The following UBE2J2 variants were observed in gnomAD, a reference collection of about 807,000 sequenced individuals.
The protein encoded by UBE2J2 is ubiquitin-conjugating enzyme E2 J2.
UBE2J2 carries 5 observed loss-of-function variants against 28.6 expected under a neutral mutation model. The ratio of observed to expected loss-of-function variants is 0.17; its 90% CI spans 0.09 to 0.37. The LOEUF is 0.37. Among genes scored for constraint, UBE2J2 ranks in the 10% least tolerant of loss-of-function variants. UBE2J2 has a pLI of 1.00. For missense variants in UBE2J2, 226 were observed against 338.9 expected (o/e 0.67, Z 2.62); for synonymous variants, 138 against 139.7 (o/e 0.99, Z 0.09).
rs1179723559 is a variant in UBE2J2, at chr1:1,253,945, T to C, written c.*1258A>G. The C allele has an allele frequency of 6.6e-6, 1 of 152,218 alleles. No homozygotes were observed. The allele number at this position is 152,218 out of a possible 1,614,324, so 9.4% of individuals were successfully genotyped here. A position where few individuals can be genotyped will look rare whatever the true frequency, so the allele number is the denominator to read the frequency against. The stretch of plus-strand genomic sequence containing the variant: ...TAAAGATATAATGAAAGACCTTTTT[T>C]TTCCACAAGAATAGGTTAAATACAT... On this transcript the variant is annotated 3_prime_UTR_variant, in exon 7 of 7. Coordinates refer to ENST00000349431, the MANE Select transcript of UBE2J2 (RefSeq NM_058167.3).
rs180985831 is a variant in UBE2J2 at position 1,254,025 on chromosome 1, G to T, written c.*1178C>A. The T allele has an allele frequency of 2.0e-5, 3 of 152,240 alleles. No homozygotes were observed. Among genetic ancestry groups the T allele is most frequent in the African/African-American group, 4.8e-5 (2 of 41,464 alleles). 9.4% of individuals were successfully genotyped at this position (152,240 alleles called of 1,614,324 possible). A position where few individuals can be genotyped will look rare whatever the true frequency, so the allele number is the denominator to read the frequency against. The stretch of plus-strand genomic sequence containing the variant: ...ATAAACTGATCAAAAAACGAAGAAA[G>T]ATGAGCGCGTGCGGGCTGGGCTTGT... On this transcript the variant is annotated 3_prime_UTR_variant, in exon 7 of 7. Transcript: ENST00000349431.
In UBE2J2 at chr1:1,266,047, C is replaced by T. The variant is rs758966485; in HGVS notation, c.131+1815G>A. The T allele has an allele frequency of 1.2e-5, 15 of 1,302,638 alleles. No individual in the cohort carries two copies. The East Asian group carries it at 1.7e-4, about 14-fold the overall frequency. 80.7% of individuals were successfully genotyped at this position (1,302,638 alleles called of 1,614,324 possible). A position where few individuals can be genotyped will look rare whatever the true frequency, so the allele number is the denominator to read the frequency against. On this transcript the variant is annotated intron_variant, in intron 2 of 6. Transcript: ENST00000349431. Reference sequence around the variant, plus strand: ...GAGGGATTTCCCCACACAATGAAGACGTCCTCGCAACCAGCGAGGAGGCGG... The same window carrying T: ...GAGGGATTTCCCCACACAATGAAGATGTCCTCGCAACCAGCGAGGAGGCGG...
At chr1:1,260,995 G>A (rs1301941235) in intron 3 of UBE2J2, among the ~76,000 whole-genome samples, 3 of 152,204 alleles carry the variant, frequency 2.0e-5, no homozygotes, top group South Asian at 2.1e-4. Context: ...GAACAGCCAC[G>A]GAACCCAGTG....
At position 1,271,970 on chromosome 1, in the gene UBE2J2, G is replaced by A. The variant is rs369582439; in HGVS notation, c.-1+1696C>T. On this transcript the variant is annotated intron_variant, in intron 1 of 6. Transcript: ENST00000349431. The stretch of plus-strand genomic sequence containing the variant: ...GCCTGGGCAACAAGAGCGAAACTCC[G>A]TCTCAAAAAAAAAAAAAAAAAAAAA... Among the ~76,000 whole-genome samples, 190 of 73,894 alleles carry A rather than the reference G, an allele frequency of 2.6e-3. 1 individual carries two copies. The highest frequency in any genetic ancestry group is 0.014 in the African/African-American group (173 of 12,012). 48.5% of individuals were successfully genotyped at this position (73,894 alleles called of 152,430 possible).
At position 1,268,135 on chromosome 1, in the gene UBE2J2, C is replaced by T. The variant is rs550206632; in HGVS notation, c.1-143G>A. The stretch of plus-strand genomic sequence containing the variant: ...AGAGTCACAGCTCACAGGTCACCCT[C>T]GCTTGCCACCCGCCCAGACACCCAG... On this transcript the variant is annotated intron_variant, in intron 1 of 6. Coordinates refer to ENST00000349431, the MANE Select transcript of UBE2J2 (RefSeq NM_058167.3). The surrounding 1 kb of genome is among the most constrained non-coding windows in gnomAD (Gnocchi z 4.7). 5.4e-3 allele frequency: 6,026 copies of T among 1,119,424 alleles called. 20 individuals are homozygous for T. Among genetic ancestry groups the T allele is most frequent in the Non-Finnish European group, 6.8e-3 (5,332 of 779,528 alleles). 69.3% of individuals were successfully genotyped at this position (1,119,424 alleles called of 1,614,324 possible). A position where few individuals can be genotyped will look rare whatever the true frequency, so the allele number is the denominator to read the frequency against.
At chr1:1,255,528 A>T (rs762866779) in intron 6 of UBE2J2, 41 bp from the exon 7 acceptor site, 1 of 1,575,636 alleles carries the variant, frequency 6.3e-7, no homozygotes, top group Admixed American at 1.7e-5. Context: ...GTCTCCAACC[A>T]GCGCCTTTCA....
At chr1:1,273,635 G>C (rs1451946225) in intron 1 of UBE2J2, 31 bp downstream of exon 1, 4 of 151,712 alleles carry the variant, frequency 2.6e-5, no homozygotes, top group Admixed American at 6.6e-5. Flanking sequence ...GCGGGCCCGA[G>C]GACCCGGCGC....
intron 1 of UBE2J2, among the ~76,000 whole-genome samples, chr1:1,271,177 A>G (rs1570584590): frequency 6.6e-6 from 1 of 152,174 alleles, no homozygotes; most frequent in African/African-American, 2.4e-5. Context: ...ATGGGGTTAC[A>G]GTCCTGCCTG....
At chr1:1,270,483 T>C (rs1405013594) in intron 1 of UBE2J2, among the ~76,000 whole-genome samples, 1 of 152,170 alleles carries the variant, frequency 6.6e-6, no homozygotes, top group African/African-American at 2.4e-5. Flanking sequence ...CCCAAATGTG[T>C]GGCCTCAGCA....
Position 1,255,191 on chromosome 1 carries a change from G to T in UBE2J2, c.*12C>A, listed in dbSNP as rs531485402. 6.4e-7 allele frequency: 1 copy of T among 1,567,380 alleles called. No individual in the cohort carries two copies. Among genetic ancestry groups the T allele is most frequent in the South Asian group, 1.2e-5 (1 of 84,550 alleles). On this transcript the variant is annotated 3_prime_UTR_variant, in exon 7 of 7. Transcript: ENST00000349431. ...TGCCCTCAGTGGCGCCTTGGGTCTC[G>T]GCGCCTGGGCCTCACTCCTGCGCGA...
At chr1:1,263,123 C>A (rs1570560775) in intron 3 of UBE2J2, 1 of 533,156 alleles carries the variant, frequency 1.9e-6, no homozygotes, top group Non-Finnish European at 3.4e-6. Flanking sequence ...GGCTGGTGAA[C>A]ACAGACGCTA....
intron 3 of UBE2J2, among the ~76,000 whole-genome samples, chr1:1,260,461 G>GA (rs1159553943): frequency 4.6e-5 from 7 of 151,922 alleles, no homozygotes; most frequent in African/African-American, 1.7e-4. Context: ...GTCGGGATGG[G>GA]AGACGGGCGC....
chr1:1,261,550 T>A (rs1221478719), intron 3 of UBE2J2, among the ~76,000 whole-genome samples: 1 of 151,962 alleles, frequency 6.6e-6, no homozygotes, highest in African/African-American at 2.4e-5. Context: ...GATACAGAAT[T>A]AATATTCACT....
In UBE2J2 at chr1:1,273,803, G is replaced by GCGCCGCCGCCGCAGCGC; in HGVS notation, c.-139_-138insGCGCTGCGGCGGCGGCG. On this transcript the variant is annotated 5_prime_UTR_variant, in exon 1 of 7. Transcript: ENST00000349431. Reference sequence around the variant, plus strand: ...GATTGGGCCCACCGAACCCGCCGCAGCGCCGCCGCCGCCGCCTCAGCCTCC... The same window carrying GCGCCGCCGCCGCAGCGC: ...GATTGGGCCCACCGAACCCGCCGCAGCGCCGCCGCCGCAGCGCCGCCGCCGCCGCCGCCTCAGCCTCC... The GCGCCGCCGCCGCAGCGC allele has an allele frequency of 6.5e-6, 1 of 153,476 alleles. No homozygotes were observed. Among genetic ancestry groups the GCGCCGCCGCCGCAGCGC allele is most frequent in the East Asian group, 2.0e-4 (1 of 5,124 alleles). The allele number at this position is 153,476 out of a possible 1,614,324, so 9.5% of individuals were successfully genotyped here.
intron 3 of UBE2J2, among the ~76,000 whole-genome samples, chr1:1,258,079 G>A (rs1041423256): frequency 2.6e-5 from 4 of 151,114 alleles, no homozygotes; most frequent in African/African-American, 4.9e-5. Flanking sequence ...TTGCTCTGTC[G>A]CCCAGGCTGG....
intron 3 of UBE2J2, 69 bp from the exon 4 acceptor site, chr1:1,257,379 C>G: frequency 1.3e-6 from 1 of 762,714 alleles, no homozygotes; most frequent in Non-Finnish European, 1.9e-6. Flanking sequence ...ACCTCGTCCC[C>G]ATCCCCCCAC....
chr1:1,269,288 C>T (rs1270479326), intron 1 of UBE2J2, among the ~76,000 whole-genome samples: 1 of 145,288 alleles, frequency 6.9e-6, no homozygotes, highest in Admixed American at 6.8e-5. Flanking sequence ...ATCAGGGACC[C>T]CAAAGCCCCT....
intron 3 of UBE2J2, among the ~76,000 whole-genome samples, chr1:1,258,469 C>T (rs1639341412): frequency 6.6e-6 from 1 of 152,080 alleles, no homozygotes; most frequent in African/African-American, 2.4e-5. Flanking sequence ...CAGCCAGCCC[C>T]TCTTCGCCCA....
chr1:1,268,035 G>T lies in UBE2J2; in HGVS notation c.1-43C>A. On this transcript the variant is annotated intron_variant, in intron 1 of 6. Coordinates refer to ENST00000349431, the MANE Select transcript of UBE2J2 (RefSeq NM_058167.3). The surrounding 1 kb of genome is among the most constrained non-coding windows in gnomAD (Gnocchi z 4.7). ...TACACTGACGACGAGAAGCAGCGCC[G>T]GCCACAGCTCTCTCCCCTGGCGCAG... 1 of 1,606,142 alleles carries T rather than the reference G, an allele frequency of 6.2e-7. No individual in the cohort carries two copies. The highest frequency in any genetic ancestry group is 1.1e-5 in the South Asian group (1 of 90,842).
Sources: gnomAD v4.1 joint callset for allele counts (sites outside exome capture counted in the v4.1 genomes callset) on GRCh38, gnomAD v4.1.1 for gene constraint, Gnocchi (gnomAD v3.1) non-coding constraint, MANE v1.5 for transcripts, NCBI Gene and HGNC (gene_info 2026-07-23, HGNC 2026-07-21) for gene names.